Variants in PKP4 observed in about 807,000 individuals in gnomAD.
PKP4 encodes plakophilin 4.
Under a neutral mutation model 145.1 loss-of-function variants are expected in PKP4, and 90 were observed. The observed-to-expected ratio is 0.62, with a 90% CI of 0.52 to 0.74. The LOEUF is 0.74. Ranked by LOEUF, PKP4 falls within the 30% of genes least tolerant of loss-of-function variation. PKP4 has a pLI of 0.00. For missense variants in PKP4, 1,340 were observed against 1,482.7 expected (o/e 0.90, Z 1.58); for synonymous variants, 563 against 577.2 (o/e 0.98, Z 0.35).
At chr2:158,458,935 G>GA (rs11312734) in intron 1 of PKP4, among the ~76,000 whole-genome samples, 4,826 of 146,058 alleles carry the variant, frequency 0.033, 155 homozygotes, top group East Asian at 0.14. Flanking sequence ...GAGTTTGACT[G>GA]AAAAAAAAAA....
At position 158,662,942 on chromosome 2, in the gene PKP4, C is replaced by T; in HGVS notation, c.2257C>T (p.Leu753=). ...CACCCTGAGGAACCTGTCCTATCGG[C>T]TGGAGCTGGAGGTGCCCCAGGCCCG... The part of the protein sequence containing the change: ...VCTLRNLSYR[L]ELEVPQARLL... The change falls in exon 14 of 22, where the codon CTG becomes TTG. Residue 753 remains leucine (L), a synonymous_variant. Transcript: ENST00000389759. The T allele has an allele frequency of 6.2e-7, 1 of 1,613,190 alleles. No individual in the cohort carries two copies. Among genetic ancestry groups the T allele is most frequent in the South Asian group, 1.1e-5 (1 of 90,984 alleles).
chr2:158,621,190 A>G (rs745435284), intron 5 of PKP4, 41 bp from the exon 6 acceptor site: 9 of 1,613,034 alleles, frequency 5.6e-6, no homozygotes, highest in Admixed American at 5.0e-5. Context: ...GAGTGTCAGA[A>G]GTGTGTATAA....
intron 1 of PKP4, among the ~76,000 whole-genome samples, chr2:158,484,962 A>G (rs1259225228): frequency 6.6e-6 from 1 of 152,188 alleles, no homozygotes; most frequent in Non-Finnish European, 1.5e-5. Context: ...TAGTATACTC[A>G]TATCTCACCT....
chr2:158,670,889 A>C (rs16843192), intron 17 of PKP4, among the ~76,000 whole-genome samples: 1 of 152,294 alleles, frequency 6.6e-6, no homozygotes, highest in East Asian at 1.9e-4. Context: ...AGCAGTGACT[A>C]TAAGTTTGCC....
chr2:158,599,003 G>A (rs972135383), intron 3 of PKP4, among the ~76,000 whole-genome samples: 3 of 152,142 alleles, frequency 2.0e-5, no homozygotes, highest in African/African-American at 7.2e-5. Flanking sequence ...AGTTAGAAAT[G>A]CTTCAGATGT....
intron 1 of PKP4, among the ~76,000 whole-genome samples, chr2:158,497,960 G>GT (rs1695984249): frequency 1.3e-5 from 2 of 152,128 alleles, no homozygotes; most frequent in African/African-American, 4.8e-5. Context: ...TGCATCTGGT[G>GT]TTTCGTAAGT....
intron 2 of PKP4, among the ~76,000 whole-genome samples, chr2:158,554,965 A>G (rs961400482): frequency 1.4e-5 from 2 of 138,600 alleles, no homozygotes; most frequent in African/African-American, 2.5e-5. Context: ...ATTATTTGCT[A>G]TTTACTTGTT....
chr2:158,521,296 T>A (rs544915528), intron 1 of PKP4, among the ~76,000 whole-genome samples: 56 of 152,362 alleles, frequency 3.7e-4, no homozygotes, highest in Middle Eastern at 6.8e-3. Flanking sequence ...GCAGTATTAA[T>A]GTTCATTTTT....
chr2:158,468,358 ATAAG>A (rs1046273858), intron 1 of PKP4, among the ~76,000 whole-genome samples: 2 of 152,200 alleles, frequency 1.3e-5, no homozygotes, highest in Non-Finnish European at 2.9e-5. Flanking sequence ...AGTACTTCCC[ATAAG>A]TTTACCTTAT....
At chr2:158,477,572 G>A (rs541417679) in intron 1 of PKP4, among the ~76,000 whole-genome samples, 334 of 152,272 alleles carry the variant, frequency 2.2e-3, no homozygotes, top group African/African-American at 3.3e-3. Context: ...GATAGACCCC[G>A]TAAAGAAGAA....
chr2:158,521,499 G>C (rs182164647), intron 1 of PKP4, among the ~76,000 whole-genome samples: 1 of 152,234 alleles, frequency 6.6e-6, no homozygotes, highest in East Asian at 1.9e-4. Flanking sequence ...GTTTGGCACA[G>C]AGCTCTCTTC....
At position 158,634,423 on chromosome 2, in the gene PKP4, C is replaced by A. The variant is rs950932956; in HGVS notation, c.1562+134C>A. 3.3e-5 allele frequency: 20 copies of A among 611,208 alleles called. No individual in the cohort carries two copies. In the East Asian group the frequency reaches 4.7e-4, roughly 14 times the overall value. The allele number at this position is 611,208 out of a possible 1,614,324, so 37.9% of individuals were successfully genotyped here. ...ATCATTAATTCCATATATATTAATA[C>A]TTCCAGTTGTATTCCAGCTATATAG... On this transcript the variant is annotated intron_variant, in intron 9 of 21. Transcript: ENST00000389759.
intron 2 of PKP4, among the ~76,000 whole-genome samples, chr2:158,565,268 G>T (rs536173144): frequency 1.3e-5 from 2 of 152,202 alleles, no homozygotes; most frequent in East Asian, 3.9e-4. Flanking sequence ...ATTAAATTGT[G>T]CCCATTCCAA....
At position 158,661,372 on chromosome 2, in the gene PKP4, G is replaced by A; in HGVS notation, c.2133G>A (p.Met711Ile). Residue 711 changes from methionine to isoleucine, a missense_variant, in exon 13 of 22, where the codon ATG becomes ATA. Coordinates refer to ENST00000389759, the MANE Select transcript of PKP4 (RefSeq NM_003628.6). ...CGGGGGAAGAAGCTCGGAAGCAAATGCGGTCCTGCGAGGGGCTGGTAGACT... is the reference window on the plus strand; with the variant it reads ...CGGGGGAAGAAGCTCGGAAGCAAATACGGTCCTGCGAGGGGCTGGTAGACT... ...SSAGEEARKQMRSCEGLVDSL... is the reference protein window; with the variant it reads ...SSAGEEARKQIRSCEGLVDSL... 6.2e-7 allele frequency: 1 copy of A among 1,613,918 alleles called. No homozygotes were observed. The highest frequency in any genetic ancestry group is 8.5e-7 in the Non-Finnish European group (1 of 1,179,842).
rs201855019 is a variant in PKP4 at position 158,631,839 on chromosome 2, A to G, written c.1240A>G (p.Ile414Val). The G allele has an allele frequency of 2.2e-5, 36 of 1,614,064 alleles. 1 individual carries two copies. Among genetic ancestry groups the G allele is most frequent in the Admixed American group, 3.3e-5 (2 of 60,014 alleles). ...GTCTCCCGACTTGCACATTACTCCT[A>G]TATATGAGGGGAGGACCTATTACAG... ...AVSPDLHITP[I>V]YEGRTYYSPV... Residue 414 changes from isoleucine to valine, a missense_variant, in exon 8 of 22, where the codon ATA becomes GTA. Physicochemically the swap from Ile to Val is conservative, Grantham distance 29. Coordinates refer to ENST00000389759, the MANE Select transcript of PKP4 (RefSeq NM_003628.6).
chr2:158,470,303 C>T (rs2105399712), intron 1 of PKP4, among the ~76,000 whole-genome samples: 1 of 152,266 alleles, frequency 6.6e-6, no homozygotes, highest in Non-Finnish European at 1.5e-5. Flanking sequence ...TCACATTCCC[C>T]AGCGACCTAC....
In PKP4 at chr2:158,622,803, G is replaced by T. The variant is rs1558902844; in HGVS notation, c.603+1382G>T. Reference sequence around the variant, plus strand: ...TATTTATTCTTTTGCTGTTGGGGATGCTTTGGTGGAAAAGTTTGAGAAGCT... The same window carrying T: ...TATTTATTCTTTTGCTGTTGGGGATTCTTTGGTGGAAAAGTTTGAGAAGCT... On this transcript the variant is annotated intron_variant, in intron 6 of 21. Transcript: ENST00000389759. Among the ~76,000 whole-genome samples, 5 of 152,194 alleles carry T rather than the reference G, an allele frequency of 3.3e-5. No individual in the cohort carries two copies. The South Asian group carries it at 1.0e-3, about 32-fold the overall frequency.
At chr2:158,650,011 A>G (rs2055203602) in intron 11 of PKP4, among the ~76,000 whole-genome samples, 1 of 152,210 alleles carries the variant, frequency 6.6e-6, no homozygotes, top group Admixed American at 6.5e-5. Flanking sequence ...GGAGTATATG[A>G]CTTCAGTGAC....
At chr2:158,667,791 G>C (rs1019840671) in intron 16 of PKP4, among the ~76,000 whole-genome samples, 3 of 152,186 alleles carry the variant, frequency 2.0e-5, no homozygotes, top group Non-Finnish European at 2.9e-5. Context: ...GCTCATGCCT[G>C]ATTCTTGTAG....
Sources: gnomAD v4.1 joint callset for allele counts (sites outside exome capture counted in the v4.1 genomes callset) on GRCh38, gnomAD v4.1.1 for gene constraint, MANE v1.5 for transcripts, NCBI Gene and HGNC (gene_info 2026-07-23, HGNC 2026-07-21) for gene names.